The following ADPRHL1 variants were observed in gnomAD, a reference collection of about 807,000 sequenced individuals.
The protein encoded by ADPRHL1 is ADP-ribosylhydrolase like 1.
ADPRHL1 carries 43 observed loss-of-function variants against 44.1 expected under a neutral mutation model. The observed-to-expected ratio is 0.98, with a 90% CI of 0.76 to 1.26. The LOEUF is 1.26. ADPRHL1 is among the 50% of genes most tolerant of loss of function. The pLI, the probability that ADPRHL1 is intolerant of heterozygous loss-of-function variation, is 0.00. For synonymous variants in ADPRHL1, 878 were observed against 1,017.4 expected, an observed-to-expected ratio of 0.86 and a Z score of 2.61; for missense variants, 2,022 against 2,496.9, an observed-to-expected ratio of 0.81 and a Z score of 4.05.
chr13:113,404,969 C>T lies in ADPRHL1; in HGVS notation c.4313G>A (p.Arg1438His), dbSNP rs534218590. ...MAIGVGGACQ[R>H]SDQGQQHLQG... is the part of the protein sequence containing the mutation. ...CAGATGCTGCTGACCTTGGTCACTG[C>T]GCTGGCAGGCGCCCCCAACCCCAAT... Residue 1438 changes from arginine to histidine, a missense_variant, in exon 8 of 8, where the codon CGC becomes CAC. Around this residue, in one of 8 missense-constraint regions of ADPRHL1, gnomAD observed 1,221 missense variants for 1,517.8 expected, o/e 0.80. Coordinates refer to ENST00000612156, the MANE Select transcript of ADPRHL1 (RefSeq NM_001394807.1). The T allele has an allele frequency of 3.3e-5, 41 of 1,235,090 alleles. No individual in the cohort carries two copies. The highest frequency in any genetic ancestry group is 2.5e-4 in the East Asian group (8 of 31,740). The allele number at this position is 1,235,090 out of a possible 1,614,324, so 76.5% of individuals were successfully genotyped here. A position where few individuals can be genotyped will look rare whatever the true frequency, so the allele number is the denominator to read the frequency against.
rs745905891 is a variant in ADPRHL1, at chr13:113,408,133, C to G, written c.1149G>C (p.Pro383=). 8.1e-7 allele frequency: 1 copy of G among 1,232,054 alleles called. No individual in the cohort carries two copies. The highest frequency in any genetic ancestry group is 1.0e-6 in the Non-Finnish European group (1 of 987,980). The allele number at this position is 1,232,054 out of a possible 1,614,324, so 76.3% of individuals were successfully genotyped here. The change falls in exon 8 of 8, where the codon CCG becomes CCC. Residue 383 remains proline (P), a synonymous_variant. Transcript: ENST00000612156. ...GGCTGCTGAGGATGGAGTGGGCGGC[C>G]GGGTCACAGGCCAGCTTGCCCATCT... ...KKKMGKLACD[P]AAHSILSSLL...
intron 7 of ADPRHL1, among the ~76,000 whole-genome samples, chr13:113,421,655 C>T (rs1374781507): frequency 6.6e-6 from 1 of 152,216 alleles, no homozygotes; most frequent in Non-Finnish European, 1.5e-5. Flanking sequence ...CCTGTGAAGT[C>T]CACCAGCCTC....
Position 113,404,439 on chromosome 13 carries a change from G to A in ADPRHL1, c.4843C>T (p.Gln1615Ter). Residue 1615 changes from glutamine to a stop codon, truncating the protein, a stop_gained, in exon 8 of 8, where the codon CAG (glutamine) becomes TAG (stop). Transcript: ENST00000612156. LOFTEE classifies it low-confidence loss of function (END_TRUNC). ...TTTATCTGGGTCTGCCACTGGGCCT[G>A]TCCCTGAGCCTCTTCCTGGGCCCAT... ...QKWAQEEAQG[Q>*]AQWQTQIKAQ... The A allele has an allele frequency of 7.6e-7, 1 of 1,319,912 alleles. No homozygotes were observed. Among genetic ancestry groups the A allele is most frequent in the Non-Finnish European group, 9.6e-7 (1 of 1,042,432 alleles). 81.8% of individuals were successfully genotyped at this position (1,319,912 alleles called of 1,614,324 possible).
At chr13:113,411,223 A>G (rs1018639453) in intron 7 of ADPRHL1, among the ~76,000 whole-genome samples, 1 of 152,218 alleles carries the variant, frequency 6.6e-6, no homozygotes, top group African/African-American at 2.4e-5. Context: ...CCTTGTTAGG[A>G]GGCGAGCTTG....
At chr13:113,419,118 CT>C (rs61165256) in intron 7 of ADPRHL1, among the ~76,000 whole-genome samples, 1 of 62,988 alleles carries the variant, frequency 1.6e-5, no homozygotes, top group South Asian at 7.6e-4. Context: ...TTCTTTCTTT[CT>C]TTTTTTTTTC....
At position 113,431,906 on chromosome 13, in the gene ADPRHL1, G is replaced by A. The variant is rs556461584; in HGVS notation, c.505+1836C>T. On this transcript the variant is annotated intron_variant, in intron 3 of 7. Transcript: ENST00000612156. ...AATTTTTGTATTTTTTAGTAGAGAC[G>A]AGGTTTCACCATGGGGGCCAGGCTG... is the stretch of plus-strand genomic sequence containing the variant. Among the ~76,000 whole-genome samples the A allele has an allele frequency of 5.3e-5, 8 of 152,242 alleles. No individual in the cohort carries two copies. The East Asian group carries it at 1.4e-3, about 26-fold the overall frequency.
chr13:113,424,148 C>A, intron 6 of ADPRHL1, 69 bp downstream of exon 6: 1 of 1,588,718 alleles, frequency 6.3e-7, no homozygotes, highest in South Asian at 1.2e-5. Context: ...TCCTAGGACA[C>A]TCCGAGGGGG....
At chr13:113,450,891 G>T (rs1325722369) in intron 1 of ADPRHL1, among the ~76,000 whole-genome samples, 2 of 151,948 alleles carry the variant, frequency 1.3e-5, no homozygotes, top group African/African-American at 4.8e-5. Context: ...CCTGACTCAT[G>T]TCAGGCCCTC....
At chr13:113,447,383 GTGT>G (rs1314998293) in intron 1 of ADPRHL1, among the ~76,000 whole-genome samples, 4 of 149,868 alleles carry the variant, frequency 2.7e-5, no homozygotes, top group Non-Finnish European at 4.4e-5. Flanking sequence ...TACATGCAAG[GTGT>G]TGTGTGTGCA....
At position 113,409,529 on chromosome 13, in the gene ADPRHL1, G is replaced by A. The variant is rs1362591618; in HGVS notation, c.1062-1309C>T. 1.7e-5 allele frequency: 17 copies of A among 985,386 alleles called. No individual in the cohort carries two copies. Among genetic ancestry groups the A allele is most frequent in the Middle Eastern group, 5.2e-4 (1 of 1,914 alleles). The allele number at this position is 985,386 out of a possible 1,614,324, so 61.0% of individuals were successfully genotyped here. ...CGTCCACATTTGTGGGAGAAGAGTC[G>A]GTGGCCGGATGCGGCTGGTGACGTG... On this transcript the variant is annotated intron_variant, in intron 7 of 7. Coordinates refer to ENST00000612156, the MANE Select transcript of ADPRHL1 (RefSeq NM_001394807.1). The surrounding 1 kb of genome is among the most constrained non-coding windows in gnomAD (Gnocchi z 4.2).
intron 7 of ADPRHL1, among the ~76,000 whole-genome samples, chr13:113,418,879 C>A (rs75837516): frequency 6.6e-6 from 1 of 151,890 alleles, no homozygotes; most frequent in Non-Finnish European, 1.5e-5. Context: ...GCAAGAGATG[C>A]GGATCCACAG....
At chr13:113,443,850 G>A (rs527706466) in intron 2 of ADPRHL1, among the ~76,000 whole-genome samples, 12 of 151,918 alleles carry the variant, frequency 7.9e-5, no homozygotes, top group East Asian at 1.9e-4. Context: ...GGCTGAGACC[G>A]GAGAATTTCC....
In ADPRHL1 at chr13:113,403,451, T is replaced by G; in HGVS notation, c.5831A>C (p.Asp1944Ala). 1 of 1,232,040 alleles carries G rather than the reference T, an allele frequency of 8.1e-7. No individual in the cohort carries two copies. The highest frequency in any genetic ancestry group is 1.0e-6 in the Non-Finnish European group (1 of 987,980). The allele number at this position is 1,232,040 out of a possible 1,614,324, so 76.3% of individuals were successfully genotyped here. A position where few individuals can be genotyped will look rare whatever the true frequency, so the allele number is the denominator to read the frequency against. The part of the protein sequence containing the change: ...LAKYKAQSFR[D>A]QRAFDLSFRP... ...GAAGGACAAATCGAAGGCCCTCTGG[T>G]CACGGAAGCTCTGGGCTTTGTACTT... Residue 1944 changes from aspartate (D) to alanine (A), a missense_variant, in exon 8 of 8, where the codon GAC becomes GCC. Asp to Ala is a moderately radical substitution (Grantham distance 126). Transcript: ENST00000612156.
At chr13:113,446,663 ATGG>A (rs1324562324) in intron 1 of ADPRHL1, among the ~76,000 whole-genome samples, 2 of 152,166 alleles carry the variant, frequency 1.3e-5, no homozygotes, top group African/African-American at 4.8e-5. Flanking sequence ...TTGTATGTGC[ATGG>A]TGTTGTCTAC....
chr13:113,432,633 A>ATGG (rs1188280652), intron 3 of ADPRHL1, among the ~76,000 whole-genome samples: 5 of 127,382 alleles, frequency 3.9e-5, no homozygotes, highest in African/African-American at 2.8e-5. Context: ...TAGTAAAGGC[A>ATGG]CGCACCTGCT....
At chr13:113,414,168 G>GCCTGCAACTGTCTGGCTGTT (rs776636705) in intron 7 of ADPRHL1, among the ~76,000 whole-genome samples, 112 of 152,282 alleles carry the variant, frequency 7.4e-4, no homozygotes, top group Non-Finnish European at 1.4e-3. Flanking sequence ...TGGCAGCTGG[G>GCCTGCAACTGTCTGGCTGTT]CCTGCAACTG....
chr13:113,419,751 T>C (rs1433321452), intron 7 of ADPRHL1, among the ~76,000 whole-genome samples: 2 of 152,222 alleles, frequency 1.3e-5, no homozygotes. Flanking sequence ...GATTGGTCTA[T>C]GTATGGTGAT....
intron 1 of ADPRHL1, among the ~76,000 whole-genome samples, chr13:113,450,731 T>G (rs1025313144): frequency 6.6e-6 from 1 of 152,172 alleles, no homozygotes; most frequent in African/African-American, 2.4e-5. Flanking sequence ...CTATTAGTAC[T>G]GATAGTACTA....
At chr13:113,438,554 C>T (rs1369773022) in intron 2 of ADPRHL1, among the ~76,000 whole-genome samples, 1 of 152,088 alleles carries the variant, frequency 6.6e-6, no homozygotes, top group African/African-American at 2.4e-5. Context: ...AATTAAGTGG[C>T]ATGGTGGCAC....
Sources: gnomAD v4.1 joint callset for allele counts (sites outside exome capture counted in the v4.1 genomes callset) on GRCh38, gnomAD v4.1.1 for gene constraint, gnomAD v4.1.1 regional missense constraint, Gnocchi (gnomAD v3.1) non-coding constraint, MANE v1.5 for transcripts, NCBI Gene and HGNC (gene_info 2026-07-23, HGNC 2026-07-21) for gene names.